Variants in LARGE1 observed in about 807,000 individuals in gnomAD.
LARGE1 encodes the protein LARGE xylosyl- and glucuronyltransferase 1.
LARGE1 carries 43 observed loss-of-function variants against 87.6 expected under a neutral mutation model. That is an observed-to-expected ratio of 0.49 (90% confidence interval 0.38 to 0.63). The LOEUF is 0.63. Among genes scored for constraint, LARGE1 ranks in the 30% least tolerant of loss-of-function variants. The pLI is 0.00. For synonymous variants in LARGE1, 434 were observed against 394.6 expected (o/e 1.10, Z -1.18); for missense variants, 802 against 1,000.2 (o/e 0.80, Z 2.67).
In LARGE1 at chr22:33,861,401, AAC is replaced by A. The variant is rs139884348; in HGVS notation, c.-83+58592_-83+58593del. ...CCTCACCCACCTACACACACACACAAACACACACACACACACACACCCTTAGC... is the reference window on the plus strand; with the variant it reads ...CCTCACCCACCTACACACACACACAAACACACACACACACACACCCTTAGC... On this transcript the variant is annotated intron_variant, in intron 1 of 14. Coordinates refer to ENST00000397394, the MANE Select transcript of LARGE1 (RefSeq NM_133642.5). Among the ~76,000 whole-genome samples the A allele has an allele frequency of 3.8e-3, 572 of 148,792 alleles. 7 individuals are homozygous for A. Among genetic ancestry groups the A allele is most frequent in the African/African-American group, 0.012 (504 of 40,726 alleles).
chr22:33,257,441 AAAAAC>A (rs1438459769), intron 11 of LARGE1, among the ~76,000 whole-genome samples: 1 of 151,546 alleles, frequency 6.6e-6, no homozygotes, highest in African/African-American at 2.4e-5. Flanking sequence ...AAACAAAAAC[AAAAAC>A]AAAAACAAAA....
intron 7 of LARGE1, among the ~76,000 whole-genome samples, chr22:33,414,653 C>T (rs1184990719): frequency 6.6e-6 from 1 of 152,190 alleles, no homozygotes; most frequent in Non-Finnish European, 1.5e-5. Flanking sequence ...GCTTCCGTTT[C>T]CAGGCATGTG....
chr22:33,478,920 C>T (rs1425804782), intron 6 of LARGE1, among the ~76,000 whole-genome samples: 1 of 152,158 alleles, frequency 6.6e-6, no homozygotes, highest in Non-Finnish European at 1.5e-5. Context: ...GGGACTTAGA[C>T]CTTCCATTTA....
intron 2 of LARGE1, among the ~76,000 whole-genome samples, chr22:33,754,394 G>C (rs1487983360): frequency 6.6e-6 from 1 of 151,652 alleles, no homozygotes; most frequent in Non-Finnish European, 1.5e-5. Flanking sequence ...TGGAGTGCAG[G>C]GCGCCATCTC....
chr22:33,159,585 T>A (rs775795413), downstream of LARGE1, among the ~76,000 whole-genome samples: 324 of 138,550 alleles, frequency 2.3e-3, 4 homozygotes, highest in South Asian at 0.036. Flanking sequence ...CAATTTAAAT[T>A]TTTTTTTTTT....
chr22:33,555,161 C>T (rs1003985232), intron 6 of LARGE1, among the ~76,000 whole-genome samples: 2 of 152,058 alleles, frequency 1.3e-5, no homozygotes, highest in African/African-American at 2.4e-5. Flanking sequence ...TATAAATAAT[C>T]GAGAGATGAT....
At chr22:33,897,196 T>C (rs751030262) in intron 1 of LARGE1, among the ~76,000 whole-genome samples, 1 of 152,258 alleles carries the variant, frequency 6.6e-6, no homozygotes, top group Non-Finnish European at 1.5e-5. Context: ...AACTGTTGAA[T>C]CCCACACACC....
rs373740144 is a variant in LARGE1, at chr22:33,680,437, T to C, written c.107-29769A>G. Reference sequence around the variant, plus strand: ...ATCTCACTCTATCCATATCAAACCTTTGGGAGATTTCTAACTCCAGAATGG... The same window carrying C: ...ATCTCACTCTATCCATATCAAACCTCTGGGAGATTTCTAACTCCAGAATGG... On this transcript the variant is annotated intron_variant, in intron 2 of 14. Coordinates refer to ENST00000397394, the MANE Select transcript of LARGE1 (RefSeq NM_133642.5). 1.8e-3 allele frequency among the ~76,000 whole-genome samples: 275 copies of C among 149,890 alleles called. 1 individual carries two copies. The highest frequency in any genetic ancestry group is 6.3e-3 in the African/African-American group (260 of 41,336).
At chr22:33,790,716 A>G (rs940940027) in intron 1 of LARGE1, among the ~76,000 whole-genome samples, 5 of 152,186 alleles carry the variant, frequency 3.3e-5, no homozygotes, top group Admixed American at 3.3e-4. Flanking sequence ...CAAAGTTTAA[A>G]TGTATCCTAC....
intron 11 of LARGE1, among the ~76,000 whole-genome samples, chr22:33,243,089 A>G (rs901472921): frequency 6.6e-6 from 1 of 152,180 alleles, no homozygotes; most frequent in Non-Finnish European, 1.5e-5. Flanking sequence ...TCCATTTACA[A>G]ATAGTCACAT....
rs923959782 is a variant in LARGE1, at chr22:33,806,985, G to A, written c.-82-45427C>T. ...AGATCTCACCATTGCACTCCAGCCG[G>A]GCGACACAGTGAGACTCCGTCTCAA... On this transcript the variant is annotated intron_variant, in intron 1 of 14. Transcript: ENST00000397394. 4.0e-5 allele frequency among the ~76,000 whole-genome samples: 6 copies of A among 151,584 alleles called. No homozygotes were observed. The South Asian group carries it at 6.3e-4, about 16-fold the overall frequency.
chr22:33,671,397 G>A (rs983898827), intron 2 of LARGE1, among the ~76,000 whole-genome samples: 6 of 152,164 alleles, frequency 3.9e-5, no homozygotes, highest in South Asian at 2.1e-4. Flanking sequence ...AATACTATAC[G>A]TAAAGTGTAA....
intron 11 of LARGE1, among the ~76,000 whole-genome samples, chr22:33,230,718 G>C (rs1387125665): frequency 6.6e-6 from 1 of 152,158 alleles, no homozygotes; most frequent in African/African-American, 2.4e-5. Context: ...GTCTGCACTG[G>C]TCAGAAGAAT....
At chr22:33,069,656 A>T in the LARGE1 span, among the ~76,000 whole-genome samples, 2 of 152,326 alleles carry the variant, frequency 1.3e-5, no homozygotes, top group East Asian at 3.9e-4. Context: ...CTGGTACACC[A>T]TAAGTACCCT....
chr22:33,282,219 C>A (rs1327157593), intron 13 of LARGE1, among the ~76,000 whole-genome samples: 1 of 152,196 alleles, frequency 6.6e-6, no homozygotes, highest in African/African-American at 2.4e-5. Flanking sequence ...GTGGCACATG[C>A]CTGTAATCCC....
intron 7 of LARGE1, among the ~76,000 whole-genome samples, chr22:33,406,614 C>T (rs1320973877): frequency 2.0e-5 from 3 of 152,194 alleles, no homozygotes; most frequent in Non-Finnish European, 4.4e-5. Context: ...CTCTGCCACA[C>T]GTTTTCCCAT....
chr22:33,228,840 G>A (rs1336347341), intron 11 of LARGE1, among the ~76,000 whole-genome samples: 2 of 152,128 alleles, frequency 1.3e-5, no homozygotes, highest in Non-Finnish European at 2.9e-5. Flanking sequence ...CTGGGGAGGT[G>A]AGAGGGTGGA....
In LARGE1 at chr22:33,399,794, C is replaced by T. The variant is rs535245898; in HGVS notation, c.893-15490G>A. Reference sequence around the variant, plus strand: ...CGATCTCCTGACCTCGTGATCTGCCCGCCTCGGCCTCCCAAAGTGCTGGGA... The same window carrying T: ...CGATCTCCTGACCTCGTGATCTGCCTGCCTCGGCCTCCCAAAGTGCTGGGA... On this transcript the variant is annotated intron_variant, in intron 7 of 14. Transcript: ENST00000397394. Among the ~76,000 whole-genome samples, 71 of 152,146 alleles carry T rather than the reference C, an allele frequency of 4.7e-4. 1 individual carries two copies. The highest frequency in any genetic ancestry group is 1.7e-3 in the African/African-American group (70 of 41,530).
intron 6 of LARGE1, among the ~76,000 whole-genome samples, chr22:33,500,054 C>T (rs1409989177): frequency 3.9e-5 from 6 of 152,106 alleles, no homozygotes; most frequent in Non-Finnish European, 4.4e-5. Context: ...GATTACAAGG[C>T]GTGAGTCACC....
Sources: allele counts gnomAD v4.1 joint callset (sites outside exome capture counted in the v4.1 genomes callset), GRCh38; gene constraint gnomAD v4.1.1; transcripts MANE v1.5; gene names NCBI Gene and HGNC (gene_info 2026-07-23, HGNC 2026-07-21).